Variants in IFI44L observed in about 807,000 individuals in gnomAD.
The protein encoded by IFI44L is interferon induced protein 44 like.
Under a neutral mutation model 39.3 loss-of-function variants are expected in IFI44L, and 40 were observed. That is an observed-to-expected ratio of 1.02 (90% CI 0.79 to 1.33). The LOEUF (loss-of-function observed/expected upper bound fraction) is 1.33. Ranked by LOEUF, IFI44L falls within the 40% of genes most tolerant of loss-of-function variation. The pLI is 0.00. For missense variants in IFI44L, 623 were observed against 549.0 expected, an observed-to-expected ratio of 1.13 and a Z score of -1.35; for synonymous variants, 198 against 182.3, an observed-to-expected ratio of 1.09 and a Z score of -0.69.
intron 3 of IFI44L, 97 bp from the exon 4 acceptor site, chr1:78,629,623 C>A: frequency 1.3e-6 from 1 of 751,086 alleles, no homozygotes; most frequent in Non-Finnish European, 2.1e-6. Flanking sequence ...ATACCCTTCT[C>A]AGGGAAGAGA....
At chr1:78,627,048 C>G (rs530540726) in intron 1 of IFI44L, 2 of 152,094 alleles carry the variant, frequency 1.3e-5, no homozygotes, top group South Asian at 4.1e-4. Context: ...CTCCCTAACT[C>G]TATGAATCTA....
chr1:78,627,895 T>A lies in IFI44L; in HGVS notation c.-10-11T>A. On this transcript the variant is annotated splice_polypyrimidine_tract_variant and intron_variant, in intron 1 of 8. Transcript: ENST00000370751. Reference sequence around the variant, plus strand: ...TATAAGCTTCTCAACCTATAATTGTTTTTCCATTAGATATAGAACAATGGA... The same window carrying A: ...TATAAGCTTCTCAACCTATAATTGTATTTCCATTAGATATAGAACAATGGA... 1 of 1,446,048 alleles carries A rather than the reference T, an allele frequency of 6.9e-7. No homozygotes were observed. The highest frequency in any genetic ancestry group is 9.3e-7 in the Non-Finnish European group (1 of 1,079,690). The allele number at this position is 1,446,048 out of a possible 1,614,324, so 89.6% of individuals were successfully genotyped here.
intron 6 of IFI44L, 32 bp from the exon 7 acceptor site, chr1:78,640,989 T>C (rs1646976272): frequency 1.4e-6 from 2 of 1,448,496 alleles, no homozygotes; most frequent in African/African-American, 1.4e-5. Flanking sequence ...CTATTTATGA[T>C]ATAAAATAAC....
At chr1:78,620,694 C>T (rs184912685) in intron 1 of IFI44L, 123 bp downstream of exon 1, 1 of 152,276 alleles carries the variant, frequency 6.6e-6, no homozygotes, top group African/African-American at 2.4e-5. Flanking sequence ...ATCACCTCAA[C>T]CATTTATCAT....
At chr1:78,624,494 A>T (rs114490327) in intron 1 of IFI44L, among the ~76,000 whole-genome samples, 2 of 152,162 alleles carry the variant, frequency 1.3e-5, no homozygotes, top group East Asian at 3.9e-4. Flanking sequence ...TTGACCTAAC[A>T]TGTAATCTAT....
intron 7 of IFI44L, 91 bp from the exon 8 acceptor site, chr1:78,641,342 CTT>C: frequency 8.4e-7 from 1 of 1,195,864 alleles, no homozygotes; most frequent in Non-Finnish European, 1.2e-6. Flanking sequence ...TAAGCCATTG[CTT>C]TTTTGGTTTC....
Position 78,628,228 on chromosome 1 carries a change from C to T in IFI44L, c.313C>T (p.Pro105Ser), listed in dbSNP as rs376146244. The T allele has an allele frequency of 1.2e-6, 2 of 1,612,278 alleles. No individual in the cohort carries two copies. The highest frequency in any genetic ancestry group is 1.7e-6 in the Non-Finnish European group (2 of 1,179,276). Residue 105 changes from proline (P) to serine (S), a missense_variant, in exon 2 of 9, where the codon CCA (proline) becomes TCA (serine). Coordinates refer to ENST00000370751, the MANE Select transcript of IFI44L (RefSeq NM_006820.4). ...AGAAACTTTACTCTTAAATACAGCA[C>T]CAAAAATTATTGATGAGCAACTGGT... ...EIETLLLNTA[P>S]KIIDEQLVCR...
chr1:78,629,644 A>T, intron 3 of IFI44L, 76 bp from the exon 4 acceptor site: 1 of 998,374 alleles, frequency 1.0e-6, no homozygotes, highest in Non-Finnish European at 1.5e-6. Context: ...AAGAAGCTCT[A>T]GGTGACTTGA....
intron 5 of IFI44L, among the ~76,000 whole-genome samples, chr1:78,636,474 A>G (rs750150928): frequency 1.1e-4 from 16 of 152,130 alleles, no homozygotes; most frequent in Non-Finnish European, 1.3e-4. Flanking sequence ...ATTGTTTCAT[A>G]ATCTATTTCC....
chr1:78,633,985 G>GT (rs1652848008), intron 4 of IFI44L, among the ~76,000 whole-genome samples: 1 of 152,150 alleles, frequency 6.6e-6, no homozygotes, highest in Admixed American at 6.5e-5. Flanking sequence ...AAGTAGAAGA[G>GT]TCTGTGAACT....
At chr1:78,637,838 T>C (rs1187097995) in intron 6 of IFI44L, among the ~76,000 whole-genome samples, 1 of 152,170 alleles carries the variant, frequency 6.6e-6, no homozygotes, top group African/African-American at 2.4e-5. Flanking sequence ...GGTATAGATA[T>C]ACCACAGTTT....
In IFI44L at chr1:78,629,776, T is replaced by G; in HGVS notation, c.584T>G (p.Val195Gly). The change falls in exon 4 of 9, where the codon GTT (valine) becomes GGT (glycine). Residue 195 changes from valine to glycine, a missense_variant. Transcript: ENST00000370751. ...GACTATAGGCCCTATGCAGACTTGG[T>G]TTCAGAAATTCGTATTCTTTTGGTG... ...IRDYRPYADL[V>G]SEIRILLVGP... is the part of the protein sequence containing the mutation. 1 of 1,613,800 alleles carries G rather than the reference T, an allele frequency of 6.2e-7. No homozygotes were observed. The highest frequency in any genetic ancestry group is 8.5e-7 in the Non-Finnish European group (1 of 1,179,786).
intron 6 of IFI44L, among the ~76,000 whole-genome samples, chr1:78,639,929 G>A (rs1481059609): frequency 6.6e-6 from 1 of 152,030 alleles, no homozygotes; most frequent in African/African-American, 2.4e-5. Flanking sequence ...CTTTGACCTC[G>A]AGAAAGGTAA....
rs576355341 is a variant in IFI44L, at chr1:78,639,659, T to C, written c.1049-1362T>C. 2.0e-5 allele frequency among the ~76,000 whole-genome samples: 3 copies of C among 152,190 alleles called. No homozygotes were observed. The East Asian group carries it at 5.8e-4, about 29-fold the overall frequency. On this transcript the variant is annotated intron_variant, in intron 6 of 8. Transcript: ENST00000370751. Reference sequence around the variant, plus strand: ...ATCTTTATGTTTGATTTATGCATAATGTCCAGAGATTTTAGCTACATTTAG... The same window carrying C: ...ATCTTTATGTTTGATTTATGCATAACGTCCAGAGATTTTAGCTACATTTAG...
At chr1:78,635,233 G>T in intron 4 of IFI44L, 104 bp from the exon 5 acceptor site, 1 of 895,052 alleles carries the variant, frequency 1.1e-6, no homozygotes, top group Non-Finnish European at 1.7e-6. Flanking sequence ...AACTGTTTGA[G>T]GACCATGGTG....
chr1:78,626,082 T>C (rs1428214392), intron 1 of IFI44L: 29 of 151,938 alleles, frequency 1.9e-4, no homozygotes, highest in Admixed American at 1.8e-3. Context: ...GGTTCATATA[T>C]CTTAACTAAT....
chr1:78,634,076 G>A (rs1394642185), intron 4 of IFI44L, among the ~76,000 whole-genome samples: 1 of 151,922 alleles, frequency 6.6e-6, no homozygotes, highest in Non-Finnish European at 1.5e-5. Flanking sequence ...TGGGATTTAT[G>A]GGACATCATC....
In IFI44L at chr1:78,629,927, C is replaced by T. The variant is rs759986978; in HGVS notation, c.723+12C>T. ...GCATAACCGAGCGGGTAAGTTATTT[C>T]CCTGAGGATTTTATTTTATAGATTA... is the stretch of plus-strand genomic sequence containing the variant. On this transcript the variant is annotated intron_variant, in intron 4 of 8. Transcript: ENST00000370751. 4 of 1,604,684 alleles carry T rather than the reference C, an allele frequency of 2.5e-6. No homozygotes were observed. The highest frequency in any genetic ancestry group is 1.3e-5 in the African/African-American group (1 of 74,446).
chr1:78,626,490 T>C (rs1265247238), intron 1 of IFI44L: 3 of 152,042 alleles, frequency 2.0e-5, no homozygotes, highest in African/African-American at 7.2e-5. Flanking sequence ...TAAAAAATCA[T>C]AGAGATATTT....
Sources: allele counts gnomAD v4.1 joint callset (sites outside exome capture counted in the v4.1 genomes callset), GRCh38; gene constraint gnomAD v4.1.1; transcripts MANE v1.5; gene names NCBI Gene and HGNC (gene_info 2026-07-23, HGNC 2026-07-21).